The following CASD1 variants were observed in gnomAD, a reference collection of about 807,000 sequenced individuals.
CASD1 encodes CAS1 domain sialic acid O acetyltransferase 1.
Under a neutral mutation model 100.0 loss-of-function variants are expected in CASD1, and 41 were observed. The observed-to-expected ratio is 0.41, with a 90% confidence interval of 0.32 to 0.53. The LOEUF (loss-of-function observed/expected upper bound fraction) is 0.53. Among genes scored for constraint, CASD1 ranks in the 20% least tolerant of loss-of-function variants. The pLI is 0.25. For missense variants in CASD1, 774 were observed against 948.7 expected (o/e 0.82, Z 2.42); for synonymous variants, 321 against 315.6 (o/e 1.02, Z -0.18).
chr7:94,562,205 C>T, the CASD1 span, among the ~76,000 whole-genome samples: 1 of 152,148 alleles, frequency 6.6e-6, no homozygotes, highest in African/African-American at 2.4e-5. Flanking sequence ...AATTTGTGCT[C>T]CATCTAGAAA....
At chr7:94,585,268 G>A in the CASD1 span, 1 of 457,992 alleles carries the variant, frequency 2.2e-6, no homozygotes, top group East Asian at 3.2e-5. Flanking sequence ...AACTTTTATT[G>A]TAACAAATAT....
intron 10 of CASD1, among the ~76,000 whole-genome samples, chr7:94,541,551 T>G (rs1253905615): frequency 1.4e-5 from 2 of 139,370 alleles, no homozygotes; most frequent in African/African-American, 2.6e-5. Flanking sequence ...TTTTTTTTTT[T>G]TTTTTTTTTT....
intron 5 of CASD1, among the ~76,000 whole-genome samples, chr7:94,531,250 T>C (rs1391295287): frequency 6.6e-6 from 1 of 152,068 alleles, no homozygotes; most frequent in East Asian, 1.9e-4. Flanking sequence ...ACATAATTCA[T>C]GGATCATAGC....
intron 5 of CASD1, among the ~76,000 whole-genome samples, chr7:94,529,375 T>G (rs1258462883): frequency 6.6e-6 from 1 of 152,172 alleles, no homozygotes; most frequent in Non-Finnish European, 1.5e-5. Context: ...AACCAAAATT[T>G]CAATTCTCAT....
At chr7:94,631,355 G>A in the CASD1 span, among the ~76,000 whole-genome samples, 1 of 151,694 alleles carries the variant, frequency 6.6e-6, no homozygotes, top group African/African-American at 2.4e-5. Context: ...GGTGCTATGG[G>A]GAATATGAAG....
chr7:94,533,827 G>A (rs201519129), intron 7 of CASD1, 25 bp downstream of exon 7: 109 of 1,516,836 alleles, frequency 7.2e-5, no homozygotes, highest in Non-Finnish European at 9.5e-5. Context: ...ATGAAAAAAT[G>A]TCACTTTGTG....
At chr7:94,599,602 A>G in the CASD1 span, 3 of 965,962 alleles carry the variant, frequency 3.1e-6, no homozygotes, top group Admixed American at 5.4e-5. Context: ...AAGATGACAA[A>G]TGAAAAAAAG....
intron 1 of CASD1, among the ~76,000 whole-genome samples, chr7:94,514,412 A>C (rs1185008118): frequency 2.0e-5 from 3 of 152,112 alleles, no homozygotes; most frequent in Admixed American, 1.3e-4. Context: ...CTATACTGTA[A>C]ACTTCATGAT....
At chr7:94,550,053 C>A (rs1032378613) in intron 14 of CASD1, among the ~76,000 whole-genome samples, 2 of 151,982 alleles carry the variant, frequency 1.3e-5, no homozygotes, top group Non-Finnish European at 2.9e-5. Flanking sequence ...TAGTTTAAAA[C>A]CCAAGATTAC....
the CASD1 span, among the ~76,000 whole-genome samples, chr7:94,594,183 G>T: frequency 2.6e-5 from 4 of 152,098 alleles, no homozygotes; most frequent in African/African-American, 9.7e-5. Context: ...TTTTTGATGT[G>T]AAGTCTTTGG....
At chr7:94,585,610 C>T in the CASD1 span, 7 of 827,188 alleles carry the variant, frequency 8.5e-6, no homozygotes, top group Non-Finnish European at 1.5e-5. Context: ...GAGAAAGTTT[C>T]CATCTTCTTA....
chr7:94,510,175 C>T lies in CASD1; in HGVS notation c.91C>T (p.Leu31=). 1 of 1,520,716 alleles carries T rather than the reference C, an allele frequency of 6.6e-7. No homozygotes were observed. The highest frequency in any genetic ancestry group is 8.8e-7 in the Non-Finnish European group (1 of 1,133,186). The allele number at this position is 1,520,716 out of a possible 1,614,324, so 94.2% of individuals were successfully genotyped here. The change falls in exon 1 of 18, where the codon CTG becomes TTG. Residue 31 remains leucine, a synonymous_variant. Transcript: ENST00000297273. ...SAKVLALVAV[L]LLAACHLASR... ...CAAGGTGCTGGCGCTGGTGGCCGTGCTGCTGCTCGCAGCGTGCCACCTCGC... is the reference window on the plus strand; with the variant it reads ...CAAGGTGCTGGCGCTGGTGGCCGTGTTGCTGCTCGCAGCGTGCCACCTCGC...
rs1435139848 is a variant in CASD1 at position 94,556,834 on chromosome 7, T to G, written c.*1076T>G. The G allele has an allele frequency of 6.6e-6, 1 of 152,030 alleles. No individual in the cohort carries two copies. The highest frequency in any genetic ancestry group is 1.5e-5 in the Non-Finnish European group (1 of 67,914). 9.4% of individuals were successfully genotyped at this position (152,030 alleles called of 1,614,324 possible). ...ACATTTATTTATCTGTTGTACAGAT[T>G]TGATTATGATTTTAATGTTTGAAAG... is the stretch of plus-strand genomic sequence containing the variant. On this transcript the variant is annotated 3_prime_UTR_variant, in exon 18 of 18. Coordinates refer to ENST00000297273, the MANE Select transcript of CASD1 (RefSeq NM_022900.5).
At chr7:94,571,040 CTTT>C in the CASD1 span, among the ~76,000 whole-genome samples, 1 of 138,682 alleles carries the variant, frequency 7.2e-6, no homozygotes. Context: ...TTAAATTCTC[CTTT>C]TTTTTTTTTT....
chr7:94,615,423 TAAAG>T, the CASD1 span, among the ~76,000 whole-genome samples: 5 of 122,706 alleles, frequency 4.1e-5, no homozygotes, highest in Non-Finnish European at 9.5e-5. Context: ...GATAGATAGA[TAAAG>T]GGCAATTCTG....
At chr7:94,616,724 A>G in the CASD1 span, 5 of 152,198 alleles carry the variant, frequency 3.3e-5, no homozygotes, top group Admixed American at 3.3e-4. Context: ...ACTAAAGAAA[A>G]CATGCAAAAT....
At chr7:94,584,259 AGTTT>A in the CASD1 span, among the ~76,000 whole-genome samples, 1 of 152,154 alleles carries the variant, frequency 6.6e-6, no homozygotes, top group Non-Finnish European at 1.5e-5. Flanking sequence ...TAAGAGCAAC[AGTTT>A]GTTTACTCTG....
At chr7:94,525,156 G>T (rs1244122272) in intron 3 of CASD1, among the ~76,000 whole-genome samples, 1 of 152,156 alleles carries the variant, frequency 6.6e-6, no homozygotes, top group African/African-American at 2.4e-5. Context: ...GAAAGGTAAA[G>T]CTGGTACAGG....
the CASD1 span, among the ~76,000 whole-genome samples, chr7:94,586,184 T>C: frequency 6.6e-6 from 1 of 150,878 alleles, no homozygotes; most frequent in South Asian, 2.1e-4. Flanking sequence ...TGTGCCTAAA[T>C]TACCTTCATA....
Sources: gnomAD v4.1 joint callset for allele counts (sites outside exome capture counted in the v4.1 genomes callset) on GRCh38, gnomAD v4.1.1 for gene constraint, MANE v1.5 for transcripts, NCBI Gene and HGNC (gene_info 2026-07-23, HGNC 2026-07-21) for gene names.